Variants in RASGRP3 observed in about 807,000 individuals in gnomAD.
RASGRP3 encodes ras guanyl-releasing protein 3.
In RASGRP3, 54 loss-of-function variants were observed where a neutral mutation model predicts 82.7. That is an observed-to-expected ratio of 0.65 (90% CI 0.52 to 0.82). The LOEUF (loss-of-function observed/expected upper bound fraction) is 0.82. RASGRP3 is among the 40% of genes least tolerant of loss of function. The pLI is 0.00. For synonymous variants in RASGRP3, 309 were observed against 300.5 expected (o/e 1.03, Z -0.29); for missense variants, 861 against 828.9 (o/e 1.04, Z -0.48).
intron 1 of RASGRP3, among the ~76,000 whole-genome samples, chr2:33,502,343 CAAGGGAAATTAGTTCACT>C (rs1166306061): frequency 6.6e-6 from 1 of 151,958 alleles, no homozygotes; most frequent in Non-Finnish European, 1.5e-5. Flanking sequence ...CATGGTAGGT[CAAGGGAAATTAGTTCACT>C]CTGGGCTTCC....
intron 1 of RASGRP3, among the ~76,000 whole-genome samples, chr2:33,507,710 G>A (rs761723617): frequency 2.4e-4 from 36 of 152,134 alleles, no homozygotes; most frequent in Non-Finnish European, 4.3e-4. Flanking sequence ...ATTTTTATTA[G>A]AGATGGGGTT....
intron 1 of RASGRP3, among the ~76,000 whole-genome samples, chr2:33,484,533 A>G (rs943021563): frequency 1.3e-5 from 2 of 150,376 alleles, no homozygotes; most frequent in Non-Finnish European, 2.9e-5. Context: ...TGCTTTAGAG[A>G]TCATTTTTTT....
chr2:33,485,231 C>A (rs1216272263), intron 1 of RASGRP3, among the ~76,000 whole-genome samples: 1 of 152,110 alleles, frequency 6.6e-6, no homozygotes, highest in Non-Finnish European at 1.5e-5. Flanking sequence ...AAAAGGGAAG[C>A]CATTCTGTGG....
chr2:33,517,322 C>G (rs1017022980), intron 4 of RASGRP3, among the ~76,000 whole-genome samples: 4 of 152,224 alleles, frequency 2.6e-5, no homozygotes, highest in Non-Finnish European at 5.9e-5. Flanking sequence ...GTAAAAGGTT[C>G]TATTCCCTGA....
chr2:33,477,443 G>A (rs571669573), intron 1 of RASGRP3, among the ~76,000 whole-genome samples: 10 of 152,232 alleles, frequency 6.6e-5, no homozygotes, highest in Non-Finnish European at 1.0e-4. Context: ...GTTGCCGCTG[G>A]TCTTCCTTAT....
At chr2:33,516,242 T>C (rs1368851348) in intron 3 of RASGRP3, among the ~76,000 whole-genome samples, 2 of 152,116 alleles carry the variant, frequency 1.3e-5, no homozygotes, top group East Asian at 3.9e-4. Context: ...ACCCCGTCTC[T>C]ACTAAAAATA....
At chr2:33,451,315 A>G (rs981939180) in intron 2 of RASGRP3, among the ~76,000 whole-genome samples, 27 of 152,246 alleles carry the variant, frequency 1.8e-4, no homozygotes, top group African/African-American at 6.5e-4. Context: ...TTGGTCCCTT[A>G]TCAGATATAA....
At chr2:33,542,940 G>A (rs982418272) in intron 12 of RASGRP3, among the ~76,000 whole-genome samples, 2 of 152,084 alleles carry the variant, frequency 1.3e-5, no homozygotes, top group African/African-American at 4.8e-5. Context: ...TGATCCACCT[G>A]CTTCAGCCTC....
At chr2:33,439,160 C>A (rs923751322) in intron 1 of RASGRP3, among the ~76,000 whole-genome samples, 1 of 152,180 alleles carries the variant, frequency 6.6e-6, no homozygotes, top group Non-Finnish European at 1.5e-5. Flanking sequence ...ACACCATGAA[C>A]ACCTATTTAT....
intron 15 of RASGRP3, among the ~76,000 whole-genome samples, chr2:33,557,555 A>G (rs1039752128): frequency 1.3e-5 from 2 of 152,000 alleles, no homozygotes; most frequent in Non-Finnish European, 2.9e-5. Context: ...TAAAAAATAC[A>G]AAAAATTAGC....
chr2:33,510,337 A>G (rs141767486), intron 1 of RASGRP3, among the ~76,000 whole-genome samples: 52 of 152,344 alleles, frequency 3.4e-4, no homozygotes, highest in African/African-American at 1.2e-3. Flanking sequence ...TATAAATCCT[A>G]CAATTCTAGA....
chr2:33,467,722 G>A (rs1453358160), intron 2 of RASGRP3, among the ~76,000 whole-genome samples: 1 of 152,160 alleles, frequency 6.6e-6, no homozygotes, highest in Non-Finnish European at 1.5e-5. Flanking sequence ...AGCAGGGGAA[G>A]TTGTACTATC....
At position 33,530,965 on chromosome 2, in the gene RASGRP3, T is replaced by C. The variant is rs1303952036; in HGVS notation, c.1084-3358T>C. ...GTGGGGTATGAAATAGTTTGAATCTTTTCATGGTATTTTTAGCCCTATCAG... is the reference window on the plus strand; with the variant it reads ...GTGGGGTATGAAATAGTTTGAATCTCTTCATGGTATTTTTAGCCCTATCAG... On this transcript the variant is annotated intron_variant, in intron 10 of 17. Coordinates refer to ENST00000403687, the MANE Select transcript of RASGRP3 (RefSeq NM_001139488.2). 5.9e-5 allele frequency: 9 copies of C among 152,236 alleles called. No homozygotes were observed. The East Asian group carries it at 1.5e-3, about 26-fold the overall frequency. The allele number at this position is 152,236 out of a possible 1,614,324, so 9.4% of individuals were successfully genotyped here. A position where few individuals can be genotyped will look rare whatever the true frequency, so the allele number is the denominator to read the frequency against.
intron 10 of RASGRP3, among the ~76,000 whole-genome samples, chr2:33,528,496 A>C (rs968663257): frequency 6.6e-6 from 1 of 152,232 alleles, no homozygotes; most frequent in Non-Finnish European, 1.5e-5. Context: ...TAGAGGTGCA[A>C]CTTCCCTGTT....
chr2:33,442,877 A>G, intron 1 of RASGRP3, among the ~76,000 whole-genome samples: 1 of 111,902 alleles, frequency 8.9e-6, no homozygotes, highest in East Asian at 2.5e-4. Context: ...TACAGAAATC[A>G]CTATTGTTTT....
chr2:33,546,400 A>G (rs1178423758), intron 13 of RASGRP3, among the ~76,000 whole-genome samples: 6 of 150,222 alleles, frequency 4.0e-5, no homozygotes, highest in Non-Finnish European at 5.9e-5. Flanking sequence ...TCCAGCCTGG[A>G]CGACAGAGCA....
chr2:33,444,308 A>AAAT (rs955303230), intron 1 of RASGRP3, among the ~76,000 whole-genome samples: 1 of 152,152 alleles, frequency 6.6e-6, no homozygotes, highest in Non-Finnish European at 1.5e-5. Context: ...ACCCTTTCTA[A>AAAT]AATAATAATA....
At chr2:33,524,305 A>T (rs1425701747) in intron 8 of RASGRP3, 127 bp from the exon 9 acceptor site, 1 of 739,586 alleles carries the variant, frequency 1.4e-6, no homozygotes, top group African/African-American at 1.8e-5. Flanking sequence ...TTTGTGCTTC[A>T]TTTTAAATTG....
chr2:33,531,873 A>T lies in RASGRP3; in HGVS notation c.1084-2450A>T, dbSNP rs1397683843. ...GCTTCTGTCATCTCATCTCCAGCAG[A>T]TGCTGGTGCCAGTCATCACAGGACT... On this transcript the variant is annotated intron_variant, in intron 10 of 17. Transcript: ENST00000403687. The T allele has an allele frequency of 2.0e-5, 3 of 150,876 alleles. No individual in the cohort carries two copies. The East Asian group carries it at 5.8e-4, about 29-fold the overall frequency. 9.3% of individuals were successfully genotyped at this position (150,876 alleles called of 1,614,324 possible).
Sources: gnomAD v4.1 joint callset for allele counts (sites outside exome capture counted in the v4.1 genomes callset) on GRCh38, gnomAD v4.1.1 for gene constraint, MANE v1.5 for transcripts, NCBI Gene and HGNC (gene_info 2026-07-23, HGNC 2026-07-21) for gene names.